Variants in NCKAP5 observed in about 807,000 individuals in gnomAD.
NCKAP5 encodes nck-associated protein 5.
Under a neutral mutation model 167.0 loss-of-function variants are expected in NCKAP5, and 92 were observed. The observed-to-expected ratio is 0.55, with a 90% CI of 0.47 to 0.66. The LOEUF (loss-of-function observed/expected upper bound fraction) is 0.66, where lower values mean the gene tolerates loss of function less well. Ranked by LOEUF, NCKAP5 falls within the 30% of genes least tolerant of loss-of-function variation. The pLI is 0.00. For synonymous variants in NCKAP5, 891 were observed against 877.4 expected, an observed-to-expected ratio of 1.02 and a Z score of -0.27; for missense variants, 2,378 against 2,315.0, an observed-to-expected ratio of 1.03 and a Z score of -0.56.
intron 6 of NCKAP5, among the ~76,000 whole-genome samples, chr2:133,107,803 A>G (rs1233259133): frequency 3.9e-5 from 6 of 152,250 alleles, no homozygotes; most frequent in African/African-American, 1.4e-4. Context: ...TCATTTCACC[A>G]TCGTCTTATT....
chr2:133,329,516 C>G (rs1682686166), intron 3 of NCKAP5, among the ~76,000 whole-genome samples: 1 of 151,980 alleles, frequency 6.6e-6, no homozygotes, highest in Non-Finnish European at 1.5e-5. Flanking sequence ...GAGAATAAAT[C>G]TGACAAAAGT....
intron 6 of NCKAP5, among the ~76,000 whole-genome samples, chr2:133,053,115 C>T (rs973325689): frequency 2.0e-5 from 3 of 152,208 alleles, no homozygotes; most frequent in Non-Finnish European, 4.4e-5. Flanking sequence ...AACCAAGTAC[C>T]TGCTGCCCCT....
At chr2:132,849,279 T>C (rs749305475) in intron 11 of NCKAP5, among the ~76,000 whole-genome samples, 2 of 152,146 alleles carry the variant, frequency 1.3e-5, no homozygotes, top group African/African-American at 2.4e-5. Context: ...ATTAAATAGA[T>C]AGCTTAATCC....
intron 3 of NCKAP5, among the ~76,000 whole-genome samples, chr2:133,447,409 C>A (rs1691266434): frequency 6.8e-6 from 1 of 147,784 alleles, no homozygotes. Flanking sequence ...CGTCTTTTTC[C>A]TTCCTTCCTT....
rs376788314 is a variant in NCKAP5 at position 132,976,641 on chromosome 2, G to A, written c.430-12772C>T. On this transcript the variant is annotated intron_variant, in intron 7 of 19. Coordinates refer to ENST00000409261, the MANE Select transcript of NCKAP5 (RefSeq NM_207363.3). ...ATACTTGAAAATTGCCAAAGGCATA[G>A]ATTTTAAGTGTTCTCACCACAAGAA... Among the ~76,000 whole-genome samples the A allele has an allele frequency of 5.3e-5, 8 of 150,850 alleles. No homozygotes were observed. In the South Asian group the frequency reaches 1.3e-3, roughly 24 times the overall value.
At position 132,672,689 on chromosome 2, in the gene NCKAP5, ATTCCAT is replaced by A. The variant is rs1683895920; in HGVS notation, c.*594_*599del. The A allele has an allele frequency of 2.0e-5, 3 of 152,722 alleles. No homozygotes were observed. The highest frequency in any genetic ancestry group is 4.4e-5 in the Non-Finnish European group (3 of 68,128). 9.5% of individuals were successfully genotyped at this position (152,722 alleles called of 1,614,324 possible). On this transcript the variant is annotated 3_prime_UTR_variant, in exon 20 of 20. Coordinates refer to ENST00000409261, the MANE Select transcript of NCKAP5 (RefSeq NM_207363.3). ...ACATTATTTCAAGAGCATGGCACTGATTCCATTTATTGCTGTCTTTTTTTGCTACAA... is the reference window on the plus strand; with the variant it reads ...ACATTATTTCAAGAGCATGGCACTGATTATTGCTGTCTTTTTTTGCTACAA...
chr2:133,562,335 T>C (rs1302718988), intron 1 of NCKAP5, among the ~76,000 whole-genome samples: 1 of 152,202 alleles, frequency 6.6e-6, no homozygotes, highest in Non-Finnish European at 1.5e-5. Context: ...ATAAACAATT[T>C]ACTATTGTTG....
At chr2:133,249,998 T>TTTATTATTATCATTA (rs1553601548) in intron 4 of NCKAP5, among the ~76,000 whole-genome samples, 6 of 138,226 alleles carry the variant, frequency 4.3e-5, no homozygotes, top group Admixed American at 3.6e-4. Context: ...CACCAAGGGT[T>TTTATTATTATCATTA]TTATTATTAT....
chr2:133,480,622 A>T (rs1680338519), intron 3 of NCKAP5, among the ~76,000 whole-genome samples: 1 of 152,198 alleles, frequency 6.6e-6, no homozygotes, highest in Admixed American at 6.5e-5. Context: ...TGGGTAGACA[A>T]TTCTACTCTT....
At chr2:133,076,671 A>G (rs2080614399) in intron 6 of NCKAP5, among the ~76,000 whole-genome samples, 2 of 152,222 alleles carry the variant, frequency 1.3e-5, no homozygotes, top group Non-Finnish European at 2.9e-5. Flanking sequence ...TGATAGTGGT[A>G]CATGATACCT....
Position 133,096,883 on chromosome 2 carries a change from A to G in NCKAP5, c.341+33095T>C, listed in dbSNP as rs150276946. Reference sequence around the variant, plus strand: ...AACTTGGAGGCTGAACAGTACAATAATATTTAGAACATGCTTATTAAGGGG... The same window carrying G: ...AACTTGGAGGCTGAACAGTACAATAGTATTTAGAACATGCTTATTAAGGGG... On this transcript the variant is annotated intron_variant, in intron 6 of 19. Transcript: ENST00000409261. Among the ~76,000 whole-genome samples, 715 of 152,318 alleles carry G rather than the reference A, an allele frequency of 4.7e-3. 3 individuals carry two copies. Among genetic ancestry groups the G allele is most frequent in the Non-Finnish European group, 8.0e-3 (545 of 68,032 alleles).
At chr2:133,509,878 G>T (rs1383106583) in intron 3 of NCKAP5, among the ~76,000 whole-genome samples, 5 of 152,188 alleles carry the variant, frequency 3.3e-5, no homozygotes, top group African/African-American at 1.2e-4. Flanking sequence ...ATGTGAAAAG[G>T]CCAGAAGTAG....
the NCKAP5 span, among the ~76,000 whole-genome samples, chr2:133,670,914 G>C: frequency 1.3e-5 from 2 of 152,136 alleles, no homozygotes; most frequent in Admixed American, 6.5e-5. Context: ...AGCTTCACTT[G>C]TTTCAAGAAA....
At chr2:133,409,396 T>C (rs1298526387) in intron 3 of NCKAP5, among the ~76,000 whole-genome samples, 1 of 152,202 alleles carries the variant, frequency 6.6e-6, no homozygotes, top group Admixed American at 6.5e-5. Context: ...TTGTAGGCAT[T>C]GGGCAATTAA....
At position 133,270,912 on chromosome 2, in the gene NCKAP5, A is replaced by ATTT. The variant is rs1255134862; in HGVS notation, c.143+32122_143+32124dup. Among the ~76,000 whole-genome samples, 532 of 128,888 alleles carry ATTT rather than the reference A, an allele frequency of 4.1e-3. 7 individuals carry two copies. Among genetic ancestry groups the ATTT allele is most frequent in the African/African-American group, 9.2e-3 (315 of 34,176 alleles). The allele number at this position is 128,888 out of a possible 152,430, so 84.6% of individuals were successfully genotyped here. A position where few individuals can be genotyped will look rare whatever the true frequency, so the allele number is the denominator to read the frequency against. On this transcript the variant is annotated intron_variant, in intron 4 of 19. Transcript: ENST00000409261. ...GTACTTTTGTTTTTTGTTGCTTCAA[A>ATTT]TTTTTTTTTTTTTTTTTTCTTTTTT...
intron 11 of NCKAP5, among the ~76,000 whole-genome samples, chr2:132,817,764 T>C (rs16841826): frequency 0.022 from 3,326 of 152,244 alleles, 124 homozygotes; most frequent in African/African-American, 0.077. Context: ...CCAACACTGC[T>C]TCACCCACAA....
chr2:133,348,245 A>G lies in NCKAP5; in HGVS notation c.70-45135T>C, dbSNP rs79508834. On this transcript the variant is annotated intron_variant, in intron 3 of 19. Transcript: ENST00000409261. Reference sequence around the variant, plus strand: ...CTCTCCCTCCTTCCATTGCTGAATTAAAAATTTAAAAATTCTTTAATGAAG... The same window carrying G: ...CTCTCCCTCCTTCCATTGCTGAATTGAAAATTTAAAAATTCTTTAATGAAG... Among the ~76,000 whole-genome samples the G allele has an allele frequency of 2.4e-4, 37 of 152,342 alleles. No homozygotes were observed. In the East Asian group the frequency reaches 5.8e-3, roughly 24 times the overall value.
chr2:133,402,190 G>C (rs1242755925), intron 3 of NCKAP5, among the ~76,000 whole-genome samples: 1 of 152,136 alleles, frequency 6.6e-6, no homozygotes, highest in African/African-American at 2.4e-5. Context: ...AAAGAAGAAG[G>C]ACTCGGTGTA....
Position 133,103,289 on chromosome 2 carries a change from G to A in NCKAP5, c.341+26689C>T, listed in dbSNP as rs1268249137. ...TTTCCTAAAAGCTGTGTAGGGCAGTGGTTAAGAATGAAGGCTCTGAACATA... is the reference window on the plus strand; with the variant it reads ...TTTCCTAAAAGCTGTGTAGGGCAGTAGTTAAGAATGAAGGCTCTGAACATA... On this transcript the variant is annotated intron_variant, in intron 6 of 19. Coordinates refer to ENST00000409261, the MANE Select transcript of NCKAP5 (RefSeq NM_207363.3). 2.0e-5 allele frequency among the ~76,000 whole-genome samples: 3 copies of A among 152,218 alleles called. No individual in the cohort carries two copies. In the East Asian group the frequency reaches 5.8e-4, roughly 29 times the overall value.
Sources: allele counts gnomAD v4.1 joint callset (sites outside exome capture counted in the v4.1 genomes callset), GRCh38; gene constraint gnomAD v4.1.1; transcripts MANE v1.5; gene names NCBI Gene and HGNC (gene_info 2026-07-23, HGNC 2026-07-21).